Variants in SYNJ1 observed in about 807,000 individuals in gnomAD.
SYNJ1 encodes the protein synaptojanin 1, also known as polyphosphatidylinositol phosphatase SYNJ1.
A neutral mutation model predicts 168.2 loss-of-function variants in SYNJ1; 78 were observed. The observed-to-expected ratio is 0.46, with a 90% CI of 0.39 to 0.56. The LOEUF (loss-of-function observed/expected upper bound fraction) is 0.56. SYNJ1 is among the 20% of genes least tolerant of loss of function. The pLI, the probability that SYNJ1 is intolerant of heterozygous loss-of-function variation, is 0.00. For synonymous variants in SYNJ1, 539 were observed against 548.6 expected (o/e 0.98, Z 0.24); for missense variants, 1,303 against 1,597.6 (o/e 0.82, Z 3.14).
In SYNJ1 at chr21:32,639,706, G is replaced by A; in HGVS notation, c.3662C>T (p.Pro1221Leu). ...HARASAGRLT[P>L]ESQSKTSETS... ...TTCTGATGTTTTGCTTTGGCTTTCA[G>A]GAGTCAGTCTTCCAGCAGATGCCCG... Residue 1221 changes from proline to leucine, a missense_variant, in exon 30 of 33, where the codon CCT (proline) becomes CTT (leucine). By Grantham distance (98) the Pro-to-Leu change is moderately conservative. Coordinates refer to ENST00000674351, the MANE Select transcript of SYNJ1 (RefSeq NM_203446.3). The A allele has an allele frequency of 6.2e-7, 1 of 1,614,110 alleles. No individual in the cohort carries two copies.
intron 22 of SYNJ1, among the ~76,000 whole-genome samples, chr21:32,650,797 G>C (rs951225349): frequency 6.6e-6 from 1 of 152,188 alleles, no homozygotes; most frequent in Non-Finnish European, 1.5e-5. Context: ...CTTGGCATAT[G>C]GTCCTAAGAG....
At chr21:32,663,729 C>A (rs1434257091) in intron 18 of SYNJ1, among the ~76,000 whole-genome samples, 1 of 152,146 alleles carries the variant, frequency 6.6e-6, no homozygotes, top group African/African-American at 2.4e-5. Context: ...GATACTGGAC[C>A]CCCATTTACA....
intron 31 of SYNJ1, among the ~76,000 whole-genome samples, chr21:32,637,691 CA>C (rs746623247): frequency 3.3e-5 from 5 of 152,162 alleles, no homozygotes; most frequent in African/African-American, 4.8e-5. Context: ...GCTGGGATTA[CA>C]GGCATGAGCC....
Position 32,639,755 on chromosome 21 carries a change from T to G in SYNJ1, c.3613A>C (p.Ile1205Leu), listed in dbSNP as rs2039748048. 1.9e-6 allele frequency: 3 copies of G among 1,614,094 alleles called. No individual in the cohort carries two copies. The highest frequency in any genetic ancestry group is 2.5e-6 in the Non-Finnish European group (3 of 1,179,972). Residue 1205 changes from isoleucine to leucine, a missense_variant, in exon 30 of 33, where the codon ATC becomes CTC. Coordinates refer to ENST00000674351, the MANE Select transcript of SYNJ1 (RefSeq NM_203446.3). ...CGCGCGTGGCTCTGTGGGGCACTGA[T>G]AACTCCAGCACGAGGAGGAATCGTC... The part of the protein sequence containing the change: ...RPTIPPRAGV[I>L]SAPQSHARAS...
At chr21:32,695,817 C>T (rs1337955451) in intron 4 of SYNJ1, among the ~76,000 whole-genome samples, 2 of 150,790 alleles carry the variant, frequency 1.3e-5, no homozygotes, top group African/African-American at 4.9e-5. Flanking sequence ...CATGCACCAC[C>T]AAGCCGGGCT....
chr21:32,674,626 T>C (rs1052538130), intron 13 of SYNJ1, among the ~76,000 whole-genome samples: 1 of 37,918 alleles, frequency 2.6e-5, no homozygotes, highest in African/African-American at 2.2e-4. Context: ...CTCTCCCGTT[T>C]TTTTTTTTTT....
rs145937537 is a variant in SYNJ1, at chr21:32,639,778, G to A, written c.3590C>T (p.Thr1197Met). The A allele has an allele frequency of 2.0e-3, 3,151 of 1,612,648 alleles. 7 individuals carry two copies. The highest frequency in any genetic ancestry group is 2.3e-3 in the Non-Finnish European group (2,657 of 1,178,742). Residue 1197 changes from threonine (T) to methionine (M), a missense_variant and splice_region_variant, in exon 30 of 33, where the codon ACG (threonine) becomes ATG (methionine). Around this residue, in one of 2 missense-constraint regions of SYNJ1, gnomAD observed 383 missense variants for 388.8 expected, o/e 0.99. Coordinates refer to ENST00000674351, the MANE Select transcript of SYNJ1 (RefSeq NM_203446.3). ...GPAGYSTARP[T>M]IPPRAGVISA... Reference sequence around the variant, plus strand: ...GATAACTCCAGCACGAGGAGGAATCGTCTACAGATAGGAAACATAACACTT... The same window carrying A: ...GATAACTCCAGCACGAGGAGGAATCATCTACAGATAGGAAACATAACACTT...
chr21:32,637,494 C>T (rs1198250234), intron 31 of SYNJ1, among the ~76,000 whole-genome samples: 3 of 150,312 alleles, frequency 2.0e-5, no homozygotes, highest in Admixed American at 6.7e-5. Flanking sequence ...CTGCAACCTC[C>T]ACCTCGCAGG....
At chr21:32,704,694 G>A (rs1252982084) in intron 2 of SYNJ1, among the ~76,000 whole-genome samples, 2 of 152,174 alleles carry the variant, frequency 1.3e-5, no homozygotes, top group African/African-American at 4.8e-5. Context: ...AGTGCCAGTG[G>A]GGTAAGGAGG....
At position 32,644,883 on chromosome 21, in the gene SYNJ1, TTTATC is replaced by T. The variant is rs2039995080; in HGVS notation, c.3430+80_3430+84del. On this transcript the variant is annotated intron_variant, in intron 26 of 32. Transcript: ENST00000674351. ...AACTAGAATGTCATTCATTTTGACT[TTTATC>T]AAACAAATCTAAAATGTCTTTCAGG... 11 of 1,454,572 alleles carry T rather than the reference TTTATC, an allele frequency of 7.6e-6. No homozygotes were observed. In the South Asian group the frequency reaches 1.2e-4, roughly 15 times the overall value. The allele number at this position is 1,454,572 out of a possible 1,614,324, so 90.1% of individuals were successfully genotyped here.
chr21:32,690,071 G>A (rs533498282), intron 6 of SYNJ1, among the ~76,000 whole-genome samples: 1 of 152,260 alleles, frequency 6.6e-6, no homozygotes, highest in South Asian at 2.1e-4. Flanking sequence ...CGGTGCATAA[G>A]GTGAAAAAAA....
Position 32,646,423 on chromosome 21 carries a change from A to C in SYNJ1, c.3217T>G (p.Ser1073Ala). 1.2e-6 allele frequency: 2 copies of C among 1,614,178 alleles called. No individual in the cohort carries two copies. Among genetic ancestry groups the C allele is most frequent in the Non-Finnish European group, 1.7e-6 (2 of 1,180,024 alleles). ...GCACTGGGAGGCCCAGGAGTTCTTG[A>C]CGGTGCTCGGCTTGGTCTGATGGGA... ...SLPIRPSRAP[S>A]RTPGPPSAQS... Residue 1073 changes from serine to alanine, a missense_variant, in exon 24 of 33, where the codon TCA becomes GCA. Ser to Ala is a moderately conservative substitution (Grantham distance 99). Around this residue, in one of 2 missense-constraint regions of SYNJ1, gnomAD observed 383 missense variants for 388.8 expected, o/e 0.99. Coordinates refer to ENST00000674351, the MANE Select transcript of SYNJ1 (RefSeq NM_203446.3).
chr21:32,633,640 T>C (rs867947861), intron 32 of SYNJ1, among the ~76,000 whole-genome samples: 2 of 152,122 alleles, frequency 1.3e-5, no homozygotes, highest in East Asian at 1.9e-4. Flanking sequence ...ATGAAATATA[T>C]TGGAAAAAAA....
chr21:32,686,642 C>G (rs549241658), intron 8 of SYNJ1, among the ~76,000 whole-genome samples: 37 of 152,214 alleles, frequency 2.4e-4, no homozygotes, highest in Non-Finnish European at 4.9e-4. Context: ...GCAGGCAAAG[C>G]AATCAACAGA....
At chr21:32,687,104 T>G (rs767969137) in intron 7 of SYNJ1, 30 bp from the exon 8 acceptor site, 3 of 1,255,076 alleles carry the variant, frequency 2.4e-6, no homozygotes, top group Non-Finnish European at 3.3e-6. Flanking sequence ...AATAAATACA[T>G]GTCAAATAAG....
chr21:32,705,073 T>G (rs2042558770), intron 2 of SYNJ1, among the ~76,000 whole-genome samples: 1 of 150,176 alleles, frequency 6.7e-6, no homozygotes, highest in Non-Finnish European at 1.5e-5. Flanking sequence ...CACTTGAACC[T>G]GGGAGGCGTA....
chr21:32,654,532 G>A (rs2040392059), intron 21 of SYNJ1, among the ~76,000 whole-genome samples: 1 of 152,166 alleles, frequency 6.6e-6, no homozygotes, highest in Non-Finnish European at 1.5e-5. Context: ...CATTTATGCT[G>A]CACCAGTCCC....
chr21:32,646,279 C>T (rs1601263057), intron 24 of SYNJ1, 114 bp downstream of exon 24: 2 of 1,039,098 alleles, frequency 1.9e-6, no homozygotes, highest in Non-Finnish European at 2.9e-6. Context: ...TATTCTGTAC[C>T]GGAGAAAACA....
intron 18 of SYNJ1, 35 bp downstream of exon 18, chr21:32,664,878 T>A: frequency 6.6e-7 from 1 of 1,515,208 alleles, no homozygotes; most frequent in Non-Finnish European, 8.9e-7. Context: ...CGACCCAAAA[T>A]CTTAATGCAA....
Sources: gnomAD v4.1 joint callset for allele counts (sites outside exome capture counted in the v4.1 genomes callset) on GRCh38, gnomAD v4.1.1 for gene constraint, gnomAD v4.1.1 regional missense constraint, MANE v1.5 for transcripts, NCBI Gene and HGNC (gene_info 2026-07-23, HGNC 2026-07-21) for gene names.